Variants in ZNF608 observed in about 807,000 individuals in gnomAD.
ZNF608 encodes renal carcinoma antigen NY-REN-36.
ZNF608 carries 12 observed loss-of-function variants against 109.0 expected under a neutral mutation model. The ratio of observed to expected loss-of-function variants is 0.11; its 90% CI spans 0.07 to 0.18. The LOEUF is 0.18. Among genes scored for constraint, ZNF608 ranks in the 10% least tolerant of loss-of-function variants. ZNF608 has a pLI of 1.00. For missense variants in ZNF608, 1,707 were observed against 1,879.3 expected, an observed-to-expected ratio of 0.91 and a Z score of 1.70; for synonymous variants, 732 against 717.4, an observed-to-expected ratio of 1.02 and a Z score of -0.33.
intron 3 of ZNF608, among the ~76,000 whole-genome samples, chr5:124,673,854 A>C (rs895462679): frequency 1.3e-5 from 2 of 152,244 alleles, no homozygotes; most frequent in African/African-American, 4.8e-5. Context: ...CTACAGAAAG[A>C]AAGCAATTAT....
intron 3 of ZNF608, among the ~76,000 whole-genome samples, chr5:124,676,441 G>A (rs1448672411): frequency 2.0e-5 from 3 of 152,160 alleles, no homozygotes; most frequent in African/African-American, 7.2e-5. Context: ...CCGCTATTAA[G>A]AGCAGACAAA....
intron 3 of ZNF608, among the ~76,000 whole-genome samples, chr5:124,698,554 G>A (rs1348633805): frequency 6.6e-6 from 1 of 152,206 alleles, no homozygotes; most frequent in Admixed American, 6.5e-5. Flanking sequence ...TCCGCTGTAC[G>A]AATGTACAAA....
intron 3 of ZNF608, among the ~76,000 whole-genome samples, chr5:124,693,600 A>G (rs1752704668): frequency 6.6e-6 from 1 of 152,198 alleles, no homozygotes; most frequent in Non-Finnish European, 1.5e-5. Flanking sequence ...GTCACCACGA[A>G]AATATATACA....
In ZNF608 at chr5:124,746,620, T is replaced by C; in HGVS notation, c.-609A>G. The C allele has an allele frequency of 1.0e-6, 1 of 985,338 alleles. No homozygotes were observed. The highest frequency in any genetic ancestry group is 1.2e-6 in the Non-Finnish European group (1 of 829,930). 61.0% of individuals were successfully genotyped at this position (985,338 alleles called of 1,614,324 possible). On this transcript the variant is annotated 5_prime_UTR_variant, in exon 1 of 10. Transcript: ENST00000513986. ...CAGTAATGATCCCATGTAGCAAACC[T>C]ACAGGCGTCCGCTAGTAACGAGACA...
chr5:124,746,566 T>C lies in ZNF608; in HGVS notation c.-555A>G, dbSNP rs1483594369. 1 of 985,298 alleles carries C rather than the reference T, an allele frequency of 1.0e-6. No homozygotes were observed. Among genetic ancestry groups the C allele is most frequent in the Non-Finnish European group, 1.2e-6 (1 of 829,950 alleles). The allele number at this position is 985,298 out of a possible 1,614,324, so 61.0% of individuals were successfully genotyped here. A position where few individuals can be genotyped will look rare whatever the true frequency, so the allele number is the denominator to read the frequency against. On this transcript the variant is annotated 5_prime_UTR_variant, in exon 1 of 10. Coordinates refer to ENST00000513986, the MANE Select transcript of ZNF608 (RefSeq NM_020747.3). ...GTTTTCCCAACTTCTCATTCCGCCT[T>C]CAGTTCCAGACTTCAGAGTCACCGT...
chr5:124,712,479 G>A (rs563793654), intron 2 of ZNF608, among the ~76,000 whole-genome samples: 16 of 152,258 alleles, frequency 1.1e-4, no homozygotes, highest in African/African-American at 3.4e-4. Context: ...TAAAGAGAAG[G>A]GCCAAAACCC....
intron 2 of ZNF608, among the ~76,000 whole-genome samples, chr5:124,735,442 G>T (rs1266601268): frequency 6.6e-6 from 1 of 152,204 alleles, no homozygotes. Context: ...GCCCCCAGGA[G>T]CCCAGGGCCC....
At chr5:124,644,738 A>C in intron 5 of ZNF608, 77 bp from the exon 6 acceptor site, 11 of 1,262,306 alleles carry the variant, frequency 8.7e-6, no homozygotes, top group Non-Finnish European at 1.2e-5. Context: ...ACTTGTTAAT[A>C]ATCATGACAG....
chr5:124,729,253 C>G (rs1464077714), intron 2 of ZNF608, among the ~76,000 whole-genome samples: 3 of 152,234 alleles, frequency 2.0e-5, no homozygotes, highest in African/African-American at 7.2e-5. Context: ...CACAAGCTTA[C>G]TCCGTCTTTG....
intron 2 of ZNF608, among the ~76,000 whole-genome samples, chr5:124,732,789 T>C (rs1393387297): frequency 6.6e-6 from 1 of 152,120 alleles, no homozygotes; most frequent in Non-Finnish European, 1.5e-5. Flanking sequence ...CACACCTTTC[T>C]TCTACTTTTT....
At chr5:124,694,148 T>C (rs6885625) in intron 3 of ZNF608, among the ~76,000 whole-genome samples, 76 of 115,326 alleles carry the variant, frequency 6.6e-4, no homozygotes, top group African/African-American at 3.1e-3. Flanking sequence ...GCTAATTTTT[T>C]TTTTTTTTTT....
At chr5:124,695,762 C>A (rs1307073622) in intron 3 of ZNF608, among the ~76,000 whole-genome samples, 7 of 151,122 alleles carry the variant, frequency 4.6e-5, no homozygotes, top group Non-Finnish European at 1.0e-4. Context: ...AACTGAGACC[C>A]TGTCTCAAAA....
At chr5:124,682,777 C>T (rs1752247507) in intron 3 of ZNF608, among the ~76,000 whole-genome samples, 1 of 152,200 alleles carries the variant, frequency 6.6e-6, no homozygotes, top group East Asian at 1.9e-4. Flanking sequence ...TAGAACATGA[C>T]TGTGCTGTAG....
chr5:124,691,595 T>C (rs1410698704), intron 3 of ZNF608, among the ~76,000 whole-genome samples: 1 of 152,166 alleles, frequency 6.6e-6, no homozygotes, highest in Non-Finnish European at 1.5e-5. Flanking sequence ...TGTCCATCAA[T>C]GGGTGAATAA....
intron 3 of ZNF608, among the ~76,000 whole-genome samples, chr5:124,653,350 G>C (rs1001568440): frequency 6.6e-6 from 1 of 152,166 alleles, no homozygotes; most frequent in Non-Finnish European, 1.5e-5. Context: ...TCAGTGTTCT[G>C]TTATGTCCTT....
chr5:124,713,005 A>G (rs1753559725), intron 2 of ZNF608, among the ~76,000 whole-genome samples: 1 of 152,300 alleles, frequency 6.6e-6, no homozygotes, highest in East Asian at 1.9e-4. Flanking sequence ...AGGAAGCTAA[A>G]TAACAAAAGT....
chr5:124,661,732 C>A (rs1028342576), intron 3 of ZNF608, among the ~76,000 whole-genome samples: 1 of 152,134 alleles, frequency 6.6e-6, no homozygotes, highest in African/African-American at 2.4e-5. Context: ...TTTCTATATA[C>A]TCTGTGTGTA....
chr5:124,637,572 T>C lies in ZNF608; in HGVS notation c.*328A>G, dbSNP rs1750033370. On this transcript the variant is annotated 3_prime_UTR_variant, in exon 10 of 10. Coordinates refer to ENST00000513986, the MANE Select transcript of ZNF608 (RefSeq NM_020747.3). ...CACTTTTTAACATGACAAATACATT[T>C]TTAATTTCCTTTACTGAGTGGTTTG... 6.4e-6 allele frequency: 1 copy of C among 155,950 alleles called. No homozygotes were observed. The highest frequency in any genetic ancestry group is 2.4e-5 in the African/African-American group (1 of 41,492). 9.7% of individuals were successfully genotyped at this position (155,950 alleles called of 1,614,324 possible). A position where few individuals can be genotyped will look rare whatever the true frequency, so the allele number is the denominator to read the frequency against.
At chr5:124,652,813 C>A (rs1451047937) in intron 3 of ZNF608, among the ~76,000 whole-genome samples, 1 of 152,172 alleles carries the variant, frequency 6.6e-6, no homozygotes, top group Admixed American at 6.5e-5. Context: ...CATAAATGCC[C>A]ATGATGAAAA....
Sources: allele counts gnomAD v4.1 joint callset (sites outside exome capture counted in the v4.1 genomes callset), GRCh38; gene constraint gnomAD v4.1.1; transcripts MANE v1.5; gene names NCBI Gene and HGNC (gene_info 2026-07-23, HGNC 2026-07-21).